Variants in ZMYM5 observed in about 807,000 individuals in gnomAD.
The protein encoded by ZMYM5 is zinc finger MYM-type protein 5.
ZMYM5 carries 41 observed loss-of-function variants against 61.8 expected under a neutral mutation model. The observed-to-expected ratio is 0.66, with a 90% confidence interval of 0.52 to 0.86. The LOEUF (loss-of-function observed/expected upper bound fraction) is 0.86. ZMYM5 is among the 40% of genes least tolerant of loss of function. ZMYM5 has a pLI of 0.00. For missense variants in ZMYM5, 706 were observed against 786.7 expected (o/e 0.90, Z 1.23); for synonymous variants, 257 against 276.4 (o/e 0.93, Z 0.70).
chr13:19,840,909 C>A (rs1384228985), intron 4 of ZMYM5, among the ~76,000 whole-genome samples: 2 of 152,020 alleles, frequency 1.3e-5, no homozygotes, highest in Admixed American at 6.6e-5. Flanking sequence ...GATCTCCTGA[C>A]CTCATGATCC....
chr13:19,831,898 C>T (rs1197205035), intron 7 of ZMYM5, among the ~76,000 whole-genome samples: 2 of 151,670 alleles, frequency 1.3e-5, no homozygotes, highest in African/African-American at 4.8e-5. Flanking sequence ...CTCTGTCACC[C>T]AGGCTGGAGT....
chr13:19,836,024 A>G (rs1332046818), intron 6 of ZMYM5, among the ~76,000 whole-genome samples: 5 of 152,138 alleles, frequency 3.3e-5, no homozygotes, highest in Admixed American at 2.6e-4. Context: ...GGGTTTCACC[A>G]CGTTGGCCAG....
Position 19,839,093 on chromosome 13 carries a change from A to T in ZMYM5, c.587-108T>A, listed in dbSNP as rs559901834. 120 of 1,378,218 alleles carry T rather than the reference A, an allele frequency of 8.7e-5. 3 individuals carry two copies. In the South Asian group the frequency reaches 1.6e-3, roughly 18 times the overall value. The allele number at this position is 1,378,218 out of a possible 1,614,324, so 85.4% of individuals were successfully genotyped here. ...TAAGAGACAAGTGGGGCAGGCGTATAAACATGTGGTTAAGGCCAAACACTC... is the reference window on the plus strand; with the variant it reads ...TAAGAGACAAGTGGGGCAGGCGTATTAACATGTGGTTAAGGCCAAACACTC... On this transcript the variant is annotated intron_variant, in intron 4 of 7. Coordinates refer to ENST00000337963, the MANE Select transcript of ZMYM5 (RefSeq NM_001142684.2).
At chr13:19,854,957 G>C (rs1465629816) in intron 2 of ZMYM5, among the ~76,000 whole-genome samples, 1 of 152,138 alleles carries the variant, frequency 6.6e-6, no homozygotes, top group Non-Finnish European at 1.5e-5. Context: ...TTATTAAGAT[G>C]AGCCAATTCA....
At position 19,858,567 on chromosome 13, in the gene ZMYM5, G is replaced by C. The variant is rs532766273; in HGVS notation, c.-11+3832C>G. Among the ~76,000 whole-genome samples, 64 of 112,194 alleles carry C rather than the reference G, an allele frequency of 5.7e-4. 1 individual carries two copies. Among genetic ancestry groups the C allele is most frequent in the African/African-American group, 2.0e-3 (59 of 30,000 alleles). The allele number at this position is 112,194 out of a possible 152,430, so 73.6% of individuals were successfully genotyped here. A position where few individuals can be genotyped will look rare whatever the true frequency, so the allele number is the denominator to read the frequency against. On this transcript the variant is annotated intron_variant, in intron 2 of 7. Coordinates refer to ENST00000337963, the MANE Select transcript of ZMYM5 (RefSeq NM_001142684.2). ...CCACTGCACTCCAGCCTGGGTGACA[G>C]ACTGAGAGACGCTGTTTCAAAAAAA...
intron 2 of ZMYM5, among the ~76,000 whole-genome samples, chr13:19,859,599 G>A (rs1953652794): frequency 6.6e-6 from 1 of 151,420 alleles, no homozygotes; most frequent in South Asian, 2.1e-4. Flanking sequence ...TGTAAAGATG[G>A]GGTTTCACCG....
intron 7 of ZMYM5, among the ~76,000 whole-genome samples, chr13:19,830,980 C>T (rs1462717548): frequency 6.6e-6 from 1 of 151,710 alleles, no homozygotes; most frequent in African/African-American, 2.4e-5. Flanking sequence ...GTTGGGACTA[C>T]AGGTGCCTGC....
rs1277557040 is a variant in ZMYM5 at position 19,835,621 on chromosome 13, G to A, written c.1107C>T (p.Tyr369=). 2 of 1,367,602 alleles carry A rather than the reference G, an allele frequency of 1.5e-6. No individual in the cohort carries two copies. Among genetic ancestry groups the A allele is most frequent in the Non-Finnish European group, 2.0e-6 (2 of 1,021,852 alleles). The allele number at this position is 1,367,602 out of a possible 1,614,324, so 84.7% of individuals were successfully genotyped here. A position where few individuals can be genotyped will look rare whatever the true frequency, so the allele number is the denominator to read the frequency against. The change falls in exon 7 of 8, where the codon TAC becomes TAT. Residue 369 remains tyrosine, a synonymous_variant. Transcript: ENST00000337963. The part of the protein sequence containing the change: ...KLCSNHCFNK[Y]RLANGLIMNC... ...TCATTATTAGACCATTGGCCAATCT[G>A]TACTTATTAAAGCAATGGTTACTGC...
intron 2 of ZMYM5, 74 bp from the exon 3 acceptor site, chr13:19,852,264 C>G (rs1282751845): frequency 7.1e-7 from 1 of 1,415,170 alleles, no homozygotes; most frequent in Non-Finnish European, 9.2e-7. Context: ...TAAAATAGCA[C>G]AAGCAAATTT....
chr13:19,837,090 G>A (rs943323618), intron 6 of ZMYM5, among the ~76,000 whole-genome samples: 5 of 150,676 alleles, frequency 3.3e-5, no homozygotes, highest in Admixed American at 2.0e-4. Flanking sequence ...GGAGTACAGT[G>A]GCGCAATCTC....
At chr13:19,837,867 A>C in intron 5 of ZMYM5, 46 bp from the exon 6 acceptor site, 1 of 1,542,046 alleles carries the variant, frequency 6.5e-7, no homozygotes, top group Non-Finnish European at 8.7e-7. Context: ...ACTGAATTTT[A>C]ATACAAGTCA....
chr13:19,845,549 C>T (rs1953047023), intron 4 of ZMYM5, among the ~76,000 whole-genome samples: 1 of 152,188 alleles, frequency 6.6e-6, no homozygotes, highest in East Asian at 1.9e-4. Flanking sequence ...AGCAAGACTG[C>T]CCTCACTTCA....
intron 6 of ZMYM5, 22 bp downstream of exon 6, chr13:19,837,634 A>G (rs1388460035): frequency 6.3e-7 from 1 of 1,598,516 alleles, no homozygotes. Context: ...CTAAACAACA[A>G]CTTAGGTATA....
intron 3 of ZMYM5, 72 bp downstream of exon 3, chr13:19,851,617 T>G: frequency 1.3e-6 from 2 of 1,543,648 alleles, no homozygotes; most frequent in Non-Finnish European, 1.7e-6. Flanking sequence ...TTTCTAAGGT[T>G]GTAACATTAG....
rs150026099 is a variant in ZMYM5 at position 19,836,991 on chromosome 13, G to A, written c.1038+665C>T. Reference sequence around the variant, plus strand: ...TAACTTTTAGATTCAGGGAATACATGTGCAGGTTTGTTAGATGGGTATGTT... The same window carrying A: ...TAACTTTTAGATTCAGGGAATACATATGCAGGTTTGTTAGATGGGTATGTT... On this transcript the variant is annotated intron_variant, in intron 6 of 7. Transcript: ENST00000337963. Among the ~76,000 whole-genome samples, 686 of 150,380 alleles carry A rather than the reference G, an allele frequency of 4.6e-3. 9 individuals carry two copies. Among genetic ancestry groups the A allele is most frequent in the African/African-American group, 0.015 (631 of 41,136 alleles).
At chr13:19,859,006 C>T (rs1430471279) in intron 2 of ZMYM5, among the ~76,000 whole-genome samples, 1 of 151,720 alleles carries the variant, frequency 6.6e-6, no homozygotes, top group Non-Finnish European at 1.5e-5. Flanking sequence ...TCACCAAGCA[C>T]TGGGGAATGT....
chr13:19,857,937 CA>C (rs1346251804), intron 2 of ZMYM5, among the ~76,000 whole-genome samples: 3 of 152,030 alleles, frequency 2.0e-5, no homozygotes, highest in Admixed American at 1.3e-4. Flanking sequence ...GGCTTGAGCC[CA>C]GGGGGTCAAA....
intron 4 of ZMYM5, among the ~76,000 whole-genome samples, chr13:19,848,649 T>C (rs1332794049): frequency 6.6e-6 from 1 of 152,086 alleles, no homozygotes; most frequent in Non-Finnish European, 1.5e-5. Context: ...TTTTCCTGCC[T>C]CAGCCTCCTG....
Position 19,824,480 on chromosome 13 carries a change from C to A in ZMYM5, c.2007G>T (p.Thr669=), listed in dbSNP as rs368432725. Residue 669 remains threonine (T), a synonymous_variant, in exon 8 of 8, where the codon ACG becomes ACT. Transcript: ENST00000337963. ...GCCAAAAAACAACTCAGGTATATTA[C>A]GTGTACAACAACAGCACACCATCAT... ...EKNDGVLLLY[T] is the part of the protein sequence containing the mutation. 97 of 1,292,282 alleles carry A rather than the reference C, an allele frequency of 7.5e-5. No individual in the cohort carries two copies. Among genetic ancestry groups the A allele is most frequent in the Non-Finnish European group, 8.9e-5 (88 of 992,682 alleles). The allele number at this position is 1,292,282 out of a possible 1,614,324, so 80.1% of individuals were successfully genotyped here.
Sources: allele counts gnomAD v4.1 joint callset (sites outside exome capture counted in the v4.1 genomes callset), GRCh38; gene constraint gnomAD v4.1.1; transcripts MANE v1.5; gene names NCBI Gene and HGNC (gene_info 2026-07-23, HGNC 2026-07-21).